DNAJC15: variants seen among roughly 807,000 people sequenced by gnomAD.
DNAJC15 encodes the protein dnaJ homolog subfamily C member 15.
Under a neutral mutation model 22.4 loss-of-function variants are expected in DNAJC15, and 27 were observed. The ratio of observed to expected loss-of-function variants is 1.20; its 90% CI spans 0.89 to 1.66. The LOEUF is 1.66. Ranked by LOEUF, DNAJC15 falls within the 40% of genes most tolerant of loss-of-function variation. The pLI is 0.00. For synonymous variants in DNAJC15, 79 were observed against 63.2 expected (o/e 1.25, Z -1.19); for missense variants, 208 against 187.1 (o/e 1.11, Z -0.65).
intron 1 of DNAJC15, among the ~76,000 whole-genome samples, chr13:43,064,359 G>C (rs1424580664): frequency 6.6e-6 from 1 of 152,184 alleles, no homozygotes; most frequent in Admixed American, 6.5e-5. Flanking sequence ...TACAGAACTT[G>C]AATGCCAATG....
intron 5 of DNAJC15, among the ~76,000 whole-genome samples, chr13:43,105,628 A>ATT (rs200391436): frequency 6.6e-6 from 1 of 152,120 alleles, no homozygotes; most frequent in Non-Finnish European, 1.5e-5. Context: ...TGTGCCTTTG[A>ATT]TTTTTTCCAA....
At chr13:43,029,255 TAAA>T (rs1040533403) in intron 1 of DNAJC15, among the ~76,000 whole-genome samples, 17 of 152,362 alleles carry the variant, frequency 1.1e-4, no homozygotes, top group Admixed American at 9.1e-4. Context: ...TGGTAAAAGT[TAAA>T]TAAGTATTTG....
chr13:43,051,923 TC>T (rs2040506214), intron 1 of DNAJC15, among the ~76,000 whole-genome samples: 1 of 152,162 alleles, frequency 6.6e-6, no homozygotes, highest in African/African-American at 2.4e-5. Context: ...GTAAAAGTGT[TC>T]CCTTTCACCA....
chr13:43,082,291 ATC>A (rs2040665611), intron 4 of DNAJC15, among the ~76,000 whole-genome samples: 1 of 152,082 alleles, frequency 6.6e-6, no homozygotes, highest in Non-Finnish European at 1.5e-5. Context: ...GGTGTTTGAA[ATC>A]TCTGGTCTAG....
intron 1 of DNAJC15, among the ~76,000 whole-genome samples, chr13:43,040,578 G>A (rs937260313): frequency 2.6e-5 from 4 of 152,130 alleles, no homozygotes; most frequent in Non-Finnish European, 4.4e-5. Flanking sequence ...ACCTGTGGGC[G>A]TTTCTCGTTA....
At chr13:43,087,233 T>C (rs940802752) in intron 5 of DNAJC15, among the ~76,000 whole-genome samples, 9 of 152,198 alleles carry the variant, frequency 5.9e-5, no homozygotes, top group Non-Finnish European at 1.2e-4. Flanking sequence ...GGACTTTTTT[T>C]CCATATAACT....
intron 1 of DNAJC15, among the ~76,000 whole-genome samples, chr13:43,059,854 A>G (rs1014519482): frequency 5.9e-5 from 9 of 151,858 alleles, no homozygotes; most frequent in Admixed American, 3.3e-4. Context: ...TTTCGCGGGC[A>G]TGGGGTGGAT....
chr13:43,027,609 G>A (rs1028337129), intron 1 of DNAJC15, among the ~76,000 whole-genome samples: 2 of 151,838 alleles, frequency 1.3e-5, no homozygotes, highest in African/African-American at 4.8e-5. Context: ...ACAATACTTT[G>A]AAGCTTACAT....
chr13:43,074,797 G>C (rs192427757), intron 3 of DNAJC15, among the ~76,000 whole-genome samples: 1 of 152,180 alleles, frequency 6.6e-6, no homozygotes, highest in South Asian at 2.1e-4. Context: ...GAAGAAATGT[G>C]TAAATACAGT....
chr13:43,057,798 G>A (rs1306966461), intron 1 of DNAJC15, among the ~76,000 whole-genome samples: 2 of 152,218 alleles, frequency 1.3e-5, no homozygotes, highest in East Asian at 3.8e-4. Context: ...GTGATCCTTT[G>A]ATGTGGTGCA....
At chr13:43,028,942 G>A (rs928638687) in intron 1 of DNAJC15, among the ~76,000 whole-genome samples, 2 of 152,178 alleles carry the variant, frequency 1.3e-5, no homozygotes, top group African/African-American at 4.8e-5. Context: ...CCTATGGTGT[G>A]AAGTCCTCAG....
chr13:43,026,509 A>C (rs2040381441), intron 1 of DNAJC15, among the ~76,000 whole-genome samples: 3 of 152,204 alleles, frequency 2.0e-5, no homozygotes, highest in African/African-American at 7.2e-5. Context: ...TGGTCCAGGC[A>C]ATGACCAATA....
At chr13:43,079,006 A>G (rs1315805252) in intron 4 of DNAJC15, 6 of 173,522 alleles carry the variant, frequency 3.5e-5, no homozygotes, top group Non-Finnish European at 6.2e-5. Context: ...ACTCAGTTTT[A>G]TAATTTGATA....
intron 1 of DNAJC15, among the ~76,000 whole-genome samples, chr13:43,060,359 G>A (rs889874180): frequency 6.6e-6 from 1 of 152,170 alleles, no homozygotes; most frequent in Non-Finnish European, 1.5e-5. Context: ...ATGTGGTTTT[G>A]TATGAACTGA....
chr13:43,100,182 G>T (rs2040760571), intron 5 of DNAJC15, among the ~76,000 whole-genome samples: 1 of 145,450 alleles, frequency 6.9e-6, no homozygotes. Flanking sequence ...ATTGTCTTAG[G>T]TTGAAGGTTA....
intron 2 of DNAJC15, 63 bp downstream of exon 2, chr13:43,065,800 G>A: frequency 7.0e-7 from 1 of 1,435,304 alleles, no homozygotes; most frequent in East Asian, 2.3e-5. Flanking sequence ...CATCTACAGT[G>A]ATTCATGAGT....
intron 1 of DNAJC15, among the ~76,000 whole-genome samples, chr13:43,033,922 G>A (rs1321788043): frequency 6.6e-6 from 1 of 151,734 alleles, no homozygotes; most frequent in Non-Finnish European, 1.5e-5. Context: ...CAGCTACTTG[G>A]GAGGCTGAGG....
At chr13:43,025,260 C>A (rs932330273) in intron 1 of DNAJC15, among the ~76,000 whole-genome samples, 5 of 152,068 alleles carry the variant, frequency 3.3e-5, no homozygotes, top group African/African-American at 9.7e-5. Flanking sequence ...CAGAAGTAAT[C>A]CTTTTGTGGA....
chr13:43,099,175 T>A (rs77968418), intron 5 of DNAJC15, among the ~76,000 whole-genome samples: 2,547 of 152,274 alleles, frequency 0.017, 84 homozygotes, highest in East Asian at 0.1. Context: ...TATTTTATAA[T>A]TTTATTTTCA....
Sources: gnomAD v4.1 joint callset for allele counts (sites outside exome capture counted in the v4.1 genomes callset) on GRCh38, gnomAD v4.1.1 for gene constraint, MANE v1.5 for transcripts, NCBI Gene and HGNC (gene_info 2026-07-23, HGNC 2026-07-21) for gene names.